Variants in UBE2E2 observed in about 807,000 individuals in gnomAD.
UBE2E2 encodes ubiquitin-conjugating enzyme E2 E2.
In UBE2E2, 6 loss-of-function variants were observed where a neutral mutation model predicts 24.7. The observed-to-expected ratio is 0.24, with a 90% CI of 0.13 to 0.48. UBE2E2 has a LOEUF of 0.48. Ranked by LOEUF, UBE2E2 falls within the 20% of genes least tolerant of loss-of-function variation. The pLI is 0.99. For missense variants in UBE2E2, 169 were observed against 245.0 expected, an observed-to-expected ratio of 0.69 and a Z score of 2.07; for synonymous variants, 104 against 83.6, an observed-to-expected ratio of 1.24 and a Z score of -1.33.
At chr3:23,576,846 A>G (rs1401439878) in intron 5 of UBE2E2, among the ~76,000 whole-genome samples, 1 of 152,082 alleles carries the variant, frequency 6.6e-6, no homozygotes, top group Non-Finnish European at 1.5e-5. Flanking sequence ...CAGAAAAGTA[A>G]ACAGACAGCT....
At chr3:23,412,095 G>A (rs1318772618) in intron 3 of UBE2E2, among the ~76,000 whole-genome samples, 2 of 152,016 alleles carry the variant, frequency 1.3e-5, no homozygotes, top group African/African-American at 2.4e-5. Flanking sequence ...AGCCAACTGA[G>A]TACAAGGAAA....
chr3:23,319,068 T>G (rs959610709), intron 3 of UBE2E2, among the ~76,000 whole-genome samples: 2 of 152,236 alleles, frequency 1.3e-5, no homozygotes, highest in Admixed American at 6.5e-5. Context: ...GAGAGTCTTT[T>G]ACTTTTACTT....
At chr3:23,299,803 C>G (rs917498234) in intron 3 of UBE2E2, among the ~76,000 whole-genome samples, 1 of 152,166 alleles carries the variant, frequency 6.6e-6, no homozygotes, top group African/African-American at 2.4e-5. Context: ...ATTAGGTCCA[C>G]TTGGTGCAGA....
intron 3 of UBE2E2, among the ~76,000 whole-genome samples, chr3:23,299,411 G>A (rs558181470): frequency 6.6e-6 from 1 of 152,092 alleles, no homozygotes; most frequent in African/African-American, 2.4e-5. Flanking sequence ...GCTTTCTCTT[G>A]TGGGCATTTA....
chr3:23,282,068 C>T (rs937037274), intron 3 of UBE2E2, among the ~76,000 whole-genome samples: 11 of 152,196 alleles, frequency 7.2e-5, no homozygotes, highest in Non-Finnish European at 1.3e-4. Flanking sequence ...TTATAACCAG[C>T]AAGGGGCAAG....
intron 3 of UBE2E2, among the ~76,000 whole-genome samples, chr3:23,469,312 A>G (rs1490230533): frequency 1.3e-5 from 2 of 152,226 alleles, no homozygotes; most frequent in Admixed American, 6.5e-5. Flanking sequence ...ATTCTACATC[A>G]GTCATCTCAG....
At chr3:23,249,662 T>TA (rs1443777140) in intron 3 of UBE2E2, among the ~76,000 whole-genome samples, 5 of 152,062 alleles carry the variant, frequency 3.3e-5, no homozygotes, top group Non-Finnish European at 5.9e-5. Flanking sequence ...GATTTTTTTT[T>TA]TTTTAAATTT....
At chr3:23,502,530 A>G (rs1559404710) in intron 4 of UBE2E2, among the ~76,000 whole-genome samples, 1 of 152,156 alleles carries the variant, frequency 6.6e-6, no homozygotes, top group African/African-American at 2.4e-5. Context: ...AGGTCAGAGG[A>G]ATGATTCGAG....
rs201609481 is a variant in UBE2E2, at chr3:23,571,412, C to G, written c.509-18322C>G. ...TCAAGTGATTCTCCTGCCTCAGCCT[C>G]CCGAGTAGCCGGGATTACAGGCGTG... On this transcript the variant is annotated intron_variant, in intron 5 of 5. Transcript: ENST00000396703. Among the ~76,000 whole-genome samples the G allele has an allele frequency of 1.9e-4, 28 of 150,964 alleles. No homozygotes were observed. The East Asian group carries it at 4.3e-3, about 23-fold the overall frequency.
chr3:23,262,864 G>A (rs1030533051), intron 3 of UBE2E2, among the ~76,000 whole-genome samples: 2 of 152,060 alleles, frequency 1.3e-5, no homozygotes, highest in Non-Finnish European at 2.9e-5. Flanking sequence ...TTTTCCATAT[G>A]TTTTCTTCTA....
At chr3:23,270,256 GGA>G (rs1698199175) in intron 3 of UBE2E2, among the ~76,000 whole-genome samples, 1 of 150,266 alleles carries the variant, frequency 6.7e-6, no homozygotes. Context: ...GTGAGGGTCA[GGA>G]ATCCTTATTT....
At chr3:23,289,017 G>A (rs1698691813) in intron 3 of UBE2E2, among the ~76,000 whole-genome samples, 1 of 152,100 alleles carries the variant, frequency 6.6e-6, no homozygotes, top group Non-Finnish European at 1.5e-5. Flanking sequence ...TAAAAACCAG[G>A]TACTGTTACC....
chr3:23,244,873 T>G (rs556572215), intron 3 of UBE2E2, among the ~76,000 whole-genome samples: 2 of 152,278 alleles, frequency 1.3e-5, no homozygotes, highest in East Asian at 3.8e-4. Flanking sequence ...CAAATTGTAT[T>G]ACTGCTGAAT....
chr3:23,528,739 C>G (rs914611721), intron 4 of UBE2E2, among the ~76,000 whole-genome samples: 2 of 152,154 alleles, frequency 1.3e-5, no homozygotes, highest in Non-Finnish European at 1.5e-5. Flanking sequence ...TAGCTACATT[C>G]TGGCAGGTTA....
At chr3:23,564,700 G>C (rs13091625) in intron 5 of UBE2E2, among the ~76,000 whole-genome samples, 12,002 of 152,084 alleles carry the variant, frequency 0.079, 593 homozygotes, top group Non-Finnish European at 0.088. Context: ...ACATCCACGG[G>C]GTAGAAAGCC....
chr3:23,532,066 A>G (rs1168583470), intron 4 of UBE2E2, among the ~76,000 whole-genome samples: 2 of 151,866 alleles, frequency 1.3e-5, no homozygotes, highest in East Asian at 3.9e-4. Flanking sequence ...TATCTCAAAA[A>G]AAAAAAAAAA....
At chr3:23,298,920 G>T (rs533053780) in intron 3 of UBE2E2, among the ~76,000 whole-genome samples, 24 of 152,248 alleles carry the variant, frequency 1.6e-4, no homozygotes, top group African/African-American at 5.1e-4. Context: ...TCTGGTCCTG[G>T]ACTTTTTCTG....
intron 3 of UBE2E2, among the ~76,000 whole-genome samples, chr3:23,412,726 C>T (rs35314441): frequency 0.064 from 9,767 of 152,098 alleles, 463 homozygotes; most frequent in Non-Finnish European, 0.088. Context: ...TGCAGTGGTT[C>T]TCAAGGTATG....
chr3:23,367,105 C>T (rs1696278633), intron 3 of UBE2E2, among the ~76,000 whole-genome samples: 1 of 152,286 alleles, frequency 6.6e-6, no homozygotes, highest in South Asian at 2.1e-4. Context: ...TGTGATCCTG[C>T]AGTTCTCCAT....
Sources: gnomAD v4.1 joint callset for allele counts (sites outside exome capture counted in the v4.1 genomes callset) on GRCh38, gnomAD v4.1.1 for gene constraint, MANE v1.5 for transcripts, NCBI Gene and HGNC (gene_info 2026-07-23, HGNC 2026-07-21) for gene names.